GALNT14: variants seen among roughly 807,000 people sequenced by gnomAD.
The protein encoded by GALNT14 is polypeptide N-acetylgalactosaminyltransferase 14.
GALNT14 carries 60 observed loss-of-function variants against 77.5 expected under a neutral mutation model. The observed-to-expected ratio is 0.77, with a 90% CI of 0.63 to 0.96. The LOEUF is 0.96. Among genes scored for constraint, GALNT14 ranks in the 40% least tolerant of loss-of-function variants. The pLI is 0.00. For missense variants in GALNT14, 710 were observed against 731.0 expected, an observed-to-expected ratio of 0.97 and a Z score of 0.33; for synonymous variants, 280 against 281.7, an observed-to-expected ratio of 0.99 and a Z score of 0.06.
At chr2:30,972,799 T>C (rs1668438358) in intron 2 of GALNT14, among the ~76,000 whole-genome samples, 1 of 152,124 alleles carries the variant, frequency 6.6e-6, no homozygotes, top group Non-Finnish European at 1.5e-5. Flanking sequence ...CAGCGACCTG[T>C]CCAGGAGGGA....
At chr2:31,013,517 C>G (rs1278356648) in intron 1 of GALNT14, among the ~76,000 whole-genome samples, 2 of 152,158 alleles carry the variant, frequency 1.3e-5, no homozygotes, top group African/African-American at 4.8e-5. Flanking sequence ...GATAATGAAG[C>G]AACACCCACG....
chr2:30,963,523 T>C (rs953459773), intron 3 of GALNT14, among the ~76,000 whole-genome samples: 3 of 152,160 alleles, frequency 2.0e-5, no homozygotes, highest in Non-Finnish European at 4.4e-5. Flanking sequence ...GCAGCTAAGG[T>C]ACCCTCGAGG....
chr2:30,924,008 G>T, intron 13 of GALNT14, 111 bp downstream of exon 13: 1 of 1,201,922 alleles, frequency 8.3e-7, no homozygotes. Flanking sequence ...CCGATCTCTG[G>T]GAATAAATGG....
At chr2:31,110,590 A>G (rs1677784941) in intron 1 of GALNT14, among the ~76,000 whole-genome samples, 2 of 152,128 alleles carry the variant, frequency 1.3e-5, no homozygotes, top group Admixed American at 1.3e-4. Flanking sequence ...CAGCCTTCCT[A>G]TGTCCTTCCC....
At chr2:30,890,400 T>C in the GALNT14 span, among the ~76,000 whole-genome samples, 1 of 152,200 alleles carries the variant, frequency 6.6e-6, no homozygotes, top group African/African-American at 2.4e-5. Flanking sequence ...CATTCTTCTC[T>C]GTATCTCATT....
chr2:30,922,386 C>A (rs970675781), intron 13 of GALNT14, among the ~76,000 whole-genome samples: 1 of 152,176 alleles, frequency 6.6e-6, no homozygotes, highest in African/African-American at 2.4e-5. Context: ...TCCTGTTTCC[C>A]AGAACAAAAC....
intron 1 of GALNT14, among the ~76,000 whole-genome samples, chr2:31,026,057 C>T (rs1230912138): frequency 6.6e-6 from 1 of 152,186 alleles, no homozygotes; most frequent in East Asian, 1.9e-4. Flanking sequence ...TTTGACCAGA[C>T]CACAGCCTAA....
At position 31,103,735 on chromosome 2, in the gene GALNT14, G is replaced by A. The variant is rs575875803; in HGVS notation, c.129+34223C>T. 7.5e-4 allele frequency among the ~76,000 whole-genome samples: 114 copies of A among 152,046 alleles called. 1 individual carries two copies. Among genetic ancestry groups the A allele is most frequent in the African/African-American group, 2.5e-3 (104 of 41,484 alleles). ...TTTCCCCCTTTGCCTTTCAATATTT[G>A]TTGGCTGTGTCATTTCTACATCACC... On this transcript the variant is annotated intron_variant, in intron 1 of 14. Transcript: ENST00000349752.
At chr2:30,914,244 C>T (rs1664537961) in intron 13 of GALNT14, among the ~76,000 whole-genome samples, 1 of 152,212 alleles carries the variant, frequency 6.6e-6, no homozygotes, top group South Asian at 2.1e-4. Flanking sequence ...CAAAGTCATA[C>T]ACCAGCAAGT....
At chr2:30,947,020 G>A (rs190875252) in intron 6 of GALNT14, among the ~76,000 whole-genome samples, 115 of 151,992 alleles carry the variant, frequency 7.6e-4, no homozygotes, top group Admixed American at 3.3e-3. Flanking sequence ...TTCCCTCCCC[G>A]CAGCACTAAA....
intron 3 of GALNT14, among the ~76,000 whole-genome samples, chr2:30,964,495 G>A (rs571051754): frequency 2.6e-5 from 4 of 152,192 alleles, no homozygotes; most frequent in African/African-American, 4.8e-5. Context: ...AATCTACCCC[G>A]AGACTCCCGG....
chr2:30,932,138 G>T lies in GALNT14; in HGVS notation c.988C>A (p.Arg330=), dbSNP rs968735687. 2 of 1,571,662 alleles carry T rather than the reference G, an allele frequency of 1.3e-6. No homozygotes were observed. The highest frequency in any genetic ancestry group is 3.7e-5 in the Admixed American group (2 of 54,212). Residue 330 remains arginine (R), a synonymous_variant, in exon 10 of 15, where the codon CGA becomes AGA. Transcript: ENST00000349752. ...TTCTTCCGGAAGACGTGCCCCACTC[G>T]GCTGCAGGGGACGATCTCTAGGCTG... ...GGSLEIVPCS[R]VGHVFRKKHP...
intron 3 of GALNT14, among the ~76,000 whole-genome samples, chr2:30,964,889 C>G (rs77070134): frequency 0.018 from 2,800 of 152,216 alleles, 37 homozygotes; most frequent in East Asian, 0.055. Flanking sequence ...AGCCATGCGG[C>G]GGCGGGAGAG....
intron 6 of GALNT14, among the ~76,000 whole-genome samples, chr2:30,952,873 G>A (rs987284382): frequency 2.0e-5 from 3 of 152,034 alleles, no homozygotes; most frequent in Admixed American, 6.6e-5. Flanking sequence ...AAGGTAAGTC[G>A]CAGCCTACTC....
intron 1 of GALNT14, among the ~76,000 whole-genome samples, chr2:31,070,359 G>A (rs1055038181): frequency 6.6e-6 from 1 of 152,162 alleles, no homozygotes; most frequent in East Asian, 1.9e-4. Context: ...CCTAGACATG[G>A]CCACACCATC....
chr2:31,033,180 G>C (rs1459475203), intron 1 of GALNT14, among the ~76,000 whole-genome samples: 1 of 152,084 alleles, frequency 6.6e-6, no homozygotes, highest in East Asian at 1.9e-4. Flanking sequence ...GGGTTTCTCT[G>C]ATTTGCTAGG....
intron 9 of GALNT14, among the ~76,000 whole-genome samples, chr2:30,941,038 T>C (rs900987488): frequency 6.6e-6 from 1 of 152,124 alleles, no homozygotes; most frequent in African/African-American, 2.4e-5. Context: ...GAGAAAGCCA[T>C]AAAACACCCT....
At chr2:31,008,811 G>A in intron 1 of GALNT14, among the ~76,000 whole-genome samples, 1 of 152,212 alleles carries the variant, frequency 6.6e-6, no homozygotes, top group Non-Finnish European at 1.5e-5. Context: ...TTACAGTGCA[G>A]TCGACACCGC....
At chr2:31,054,526 G>A (rs1296552687) in intron 1 of GALNT14, among the ~76,000 whole-genome samples, 2 of 152,260 alleles carry the variant, frequency 1.3e-5, no homozygotes, top group African/African-American at 4.8e-5. Flanking sequence ...TTCAACCCCA[G>A]AACCCAGCAT....
Sources: allele counts gnomAD v4.1 joint callset (sites outside exome capture counted in the v4.1 genomes callset), GRCh38; gene constraint gnomAD v4.1.1; transcripts MANE v1.5; gene names NCBI Gene and HGNC (gene_info 2026-07-23, HGNC 2026-07-21).